The following PRMT9 variants were observed in gnomAD, a reference collection of about 807,000 sequenced individuals.
The protein encoded by PRMT9 is protein arginine N-methyltransferase 9.
In PRMT9, 59 loss-of-function variants were observed where a neutral mutation model predicts 83.2. The observed-to-expected ratio is 0.71, with a 90% CI of 0.57 to 0.88. The LOEUF (loss-of-function observed/expected upper bound fraction) is 0.88, where lower values mean the gene tolerates loss of function less well. PRMT9 is among the 40% of genes least tolerant of loss of function. The pLI, the probability that PRMT9 is intolerant of heterozygous loss-of-function variation, is 0.00. For synonymous variants in PRMT9, 333 were observed against 353.2 expected (o/e 0.94, Z 0.64); for missense variants, 947 against 1,021.9 (o/e 0.93, Z 1.00).
At chr4:147,673,255 C>A (rs1183330580) in intron 3 of PRMT9, 129 bp from the exon 4 acceptor site, 2 of 774,422 alleles carry the variant, frequency 2.6e-6, no homozygotes, top group African/African-American at 1.8e-5. Context: ...ACTCACTCTG[C>A]ATTAAAAAAT....
At chr4:147,643,343 T>C (rs969602193) in intron 9 of PRMT9, among the ~76,000 whole-genome samples, 8 of 152,244 alleles carry the variant, frequency 5.3e-5, no homozygotes, top group African/African-American at 1.9e-4. Context: ...CTAAGAATCA[T>C]GATAAATTAG....
At chr4:147,677,756 C>T (rs1243973914) in intron 2 of PRMT9, among the ~76,000 whole-genome samples, 1 of 152,018 alleles carries the variant, frequency 6.6e-6, no homozygotes, top group Non-Finnish European at 1.5e-5. Flanking sequence ...CATGCCCGAC[C>T]TAGAATTTTT....
At position 147,668,648 on chromosome 4, in the gene PRMT9, A is replaced by G. The variant is rs774598095; in HGVS notation, c.847-3T>C. ...CAATTAGCACTTTCACCTTTGGTCT[A>G]AAAAAAATAACAATAAGAATTATGT... On this transcript the variant is annotated splice_region_variant and splice_polypyrimidine_tract_variant and intron_variant, in intron 5 of 11. Transcript: ENST00000322396. 1.4e-6 allele frequency: 2 copies of G among 1,466,198 alleles called. No homozygotes were observed. The highest frequency in any genetic ancestry group is 1.4e-5 in the African/African-American group (1 of 72,048). The allele number at this position is 1,466,198 out of a possible 1,614,324, so 90.8% of individuals were successfully genotyped here.
chr4:147,660,723 T>A, intron 7 of PRMT9, 123 bp downstream of exon 7: 1 of 650,512 alleles, frequency 1.5e-6, no homozygotes, highest in Admixed American at 2.9e-5. Context: ...TTAATCATTT[T>A]CTTTACATAC....
Position 147,673,785 on chromosome 4 carries a change from C to T in PRMT9, c.428G>A (p.Arg143His), listed in dbSNP as rs748981195. The T allele has an allele frequency of 3.4e-5, 55 of 1,613,960 alleles. No individual in the cohort carries two copies. The highest frequency in any genetic ancestry group is 1.6e-4 in the Middle Eastern group (1 of 6,084). Residue 143 changes from arginine (R) to histidine (H), a missense_variant, in exon 3 of 12, where the codon CGT (arginine) becomes CAT (histidine). By Grantham distance (29) the Arg-to-His change is conservative. Coordinates refer to ENST00000322396, the MANE Select transcript of PRMT9 (RefSeq NM_138364.4). ...DFSDAKENFY[R>H]VANWLVERWH... Reference sequence around the variant, plus strand: ...GCGTTCCACCAACCAGTTTGCAACACGATAAAAATTCTCCTTTGCATCACT... The same window carrying T: ...GCGTTCCACCAACCAGTTTGCAACATGATAAAAATTCTCCTTTGCATCACT...
chr4:147,671,240 CCTT>C (rs1284172970), intron 4 of PRMT9, among the ~76,000 whole-genome samples: 1 of 152,132 alleles, frequency 6.6e-6, no homozygotes, highest in African/African-American at 2.4e-5. Flanking sequence ...AGAGAGCCCT[CCTT>C]CTCAAAATCT....
intron 10 of PRMT9, 124 bp from the exon 11 acceptor site, chr4:147,639,206 C>T (rs2654935): frequency 1 from 895,208 of 895,252 alleles, 447,582 homozygotes; most frequent in East Asian, 1. Flanking sequence ...TAGTACTTGA[C>T]AGAATGCTTT....
intron 2 of PRMT9, among the ~76,000 whole-genome samples, chr4:147,679,414 C>T (rs529593072): frequency 6.6e-5 from 10 of 151,658 alleles, no homozygotes; most frequent in Non-Finnish European, 1.3e-4. Flanking sequence ...CTACTGCACT[C>T]CAACCTGAGC....
chr4:147,678,717 G>A (rs983098835), intron 2 of PRMT9, among the ~76,000 whole-genome samples: 6 of 152,130 alleles, frequency 3.9e-5, no homozygotes, highest in Admixed American at 6.5e-5. Context: ...CAAGTGTCCA[G>A]CTCCCAGTAG....
rs11291426 is a variant in PRMT9, at chr4:147,681,783, TAA to T, written c.190-1314_190-1313del. 9.3e-4 allele frequency among the ~76,000 whole-genome samples: 133 copies of T among 143,070 alleles called. 1 individual carries two copies. The highest frequency in any genetic ancestry group is 7.2e-3 in the East Asian group (35 of 4,884). The allele number at this position is 143,070 out of a possible 152,430, so 93.9% of individuals were successfully genotyped here. A position where few individuals can be genotyped will look rare whatever the true frequency, so the allele number is the denominator to read the frequency against. Reference sequence around the variant, plus strand: ...GCCTGCGTGATACAGTGAGACTCTATAAAAAAAAAAAAAACCCCGCACAGATT... The same window carrying T: ...GCCTGCGTGATACAGTGAGACTCTATAAAAAAAAAAAACCCCGCACAGATT... On this transcript the variant is annotated intron_variant, in intron 1 of 11. Coordinates refer to ENST00000322396, the MANE Select transcript of PRMT9 (RefSeq NM_138364.4).
intron 2 of PRMT9, among the ~76,000 whole-genome samples, chr4:147,676,291 T>C (rs1379526663): frequency 1.3e-5 from 2 of 152,232 alleles, no homozygotes; most frequent in East Asian, 3.8e-4. Flanking sequence ...TCTTGGAATG[T>C]TATGATCACC....
intron 9 of PRMT9, among the ~76,000 whole-genome samples, chr4:147,644,371 T>A (rs377763556): frequency 9.3e-3 from 152 of 16,414 alleles, no homozygotes; most frequent in Admixed American, 0.012. Flanking sequence ...AAATGCAAAA[T>A]TTAAAAAAAA....
Position 147,638,615 on chromosome 4 carries a change from G to A in PRMT9, c.2455C>T (p.Pro819Ser). Residue 819 changes from proline (P) to serine (S), a missense_variant, in exon 12 of 12, where the codon CCC (proline) becomes TCC (serine). Physicochemically the swap from Pro to Ser is moderately conservative, Grantham distance 74. Coordinates refer to ENST00000322396, the MANE Select transcript of PRMT9 (RefSeq NM_138364.4). ...TCCTCTCCCATTTCAACCTGGATGGGATTATCTAAAACAACTGCAGCTTGT... is the reference window on the plus strand; with the variant it reads ...TCCTCTCCCATTTCAACCTGGATGGAATTATCTAAAACAACTGCAGCTTGT... Reference protein sequence around the residue: ...WKQAAVVLDNPIQVEMGEELV... With the variant: ...WKQAAVVLDNSIQVEMGEELV... 6.2e-7 allele frequency: 1 copy of A among 1,613,852 alleles called. No homozygotes were observed. Among genetic ancestry groups the A allele is most frequent in the Non-Finnish European group, 8.5e-7 (1 of 1,179,826 alleles).
Position 147,654,164 on chromosome 4 carries a change from ATGTTC to A in PRMT9, c.1728_1732del (p.Gln576HisfsTer3). On this transcript the variant is annotated frameshift_variant, in exon 9 of 12. Transcript: ENST00000322396. LOFTEE classifies it high-confidence loss of function. The stretch of plus-strand genomic sequence containing the variant: ...ATCTAACACGTAGAAAGGTTCAAGG[ATGTTC>A]TGTACAGTATTACTCTGTCCAGTTC... The A allele has an allele frequency of 6.2e-7, 1 of 1,614,208 alleles. No homozygotes were observed.
intron 8 of PRMT9, among the ~76,000 whole-genome samples, chr4:147,656,792 A>AAAAAG (rs1734531284): frequency 6.7e-6 from 1 of 149,094 alleles, no homozygotes; most frequent in Non-Finnish European, 1.5e-5. Flanking sequence ...AAAAAAAAAA[A>AAAAAG]AAAGAAAGAA....
At chr4:147,681,985 A>G (rs1417867041) in intron 1 of PRMT9, among the ~76,000 whole-genome samples, 2 of 152,078 alleles carry the variant, frequency 1.3e-5, no homozygotes, top group Non-Finnish European at 2.9e-5. Context: ...CAGGCATTGC[A>G]CTACAAATTT....
In PRMT9 at chr4:147,680,392, T is replaced by C. The variant is rs763980752; in HGVS notation, c.269A>G (p.Tyr90Cys). ...LSRIQDLLGC[Y>C]EQALELFPDD... is the part of the protein sequence containing the mutation. The stretch of plus-strand genomic sequence containing the variant: ...AGGAAACAGTTCCAAGGCCTGCTCA[T>C]AGCAACCAAGTAAGTCTTGTATCCG... The change falls in exon 2 of 12, where the codon TAT becomes TGT. Residue 90 changes from tyrosine to cysteine, a missense_variant. Tyr to Cys is a radical substitution (Grantham distance 194). Transcript: ENST00000322396. The C allele has an allele frequency of 6.8e-6, 11 of 1,613,972 alleles. No homozygotes were observed. The highest frequency in any genetic ancestry group is 8.5e-6 in the Non-Finnish European group (10 of 1,179,924).
chr4:147,667,823 C>T (rs1355655488), intron 6 of PRMT9, among the ~76,000 whole-genome samples: 1 of 151,826 alleles, frequency 6.6e-6, no homozygotes, highest in Non-Finnish European at 1.5e-5. Context: ...GTAATTAGAC[C>T]AAAATTTATT....
intron 9 of PRMT9, among the ~76,000 whole-genome samples, chr4:147,653,600 T>G (rs997085156): frequency 6.6e-6 from 1 of 151,984 alleles, no homozygotes; most frequent in South Asian, 2.1e-4. Context: ...TGCACCAAAG[T>G]AAGAACATGC....
Sources: gnomAD v4.1 joint callset for allele counts (sites outside exome capture counted in the v4.1 genomes callset) on GRCh38, gnomAD v4.1.1 for gene constraint, MANE v1.5 for transcripts, NCBI Gene and HGNC (gene_info 2026-07-23, HGNC 2026-07-21) for gene names.